SLC30A7: variants seen among roughly 807,000 people sequenced by gnomAD.
SLC30A7 encodes the protein zinc transporter 7.
SLC30A7 carries 35 observed loss-of-function variants against 46.0 expected under a neutral mutation model. The ratio of observed to expected loss-of-function variants is 0.76; its 90% CI spans 0.58 to 1.01. The LOEUF is 1.01. SLC30A7 is among the 50% of genes least tolerant of loss of function. The pLI is 0.00. For synonymous variants in SLC30A7, 147 were observed against 157.8 expected, an observed-to-expected ratio of 0.93 and a Z score of 0.51; for missense variants, 464 against 451.1, an observed-to-expected ratio of 1.03 and a Z score of -0.26.
At chr1:100,992,230 C>T in the SLC30A7 span, among the ~76,000 whole-genome samples, 1 of 151,918 alleles carries the variant, frequency 6.6e-6, no homozygotes, top group African/African-American at 2.4e-5. Context: ...GAAAACTATT[C>T]CTAGTCTCAA....
intron 3 of SLC30A7, among the ~76,000 whole-genome samples, chr1:100,908,030 T>G (rs963995207): frequency 6.6e-6 from 1 of 152,096 alleles, no homozygotes; most frequent in African/African-American, 2.4e-5. Context: ...TCTTAACTTC[T>G]TTAGCTCTAT....
At chr1:100,928,844 A>G (rs1178673646) in intron 8 of SLC30A7, among the ~76,000 whole-genome samples, 1 of 152,160 alleles carries the variant, frequency 6.6e-6, no homozygotes, top group Non-Finnish European at 1.5e-5. Flanking sequence ...AACTTCTACT[A>G]TATGTAGATT....
chr1:100,989,186 T>C, the SLC30A7 span, among the ~76,000 whole-genome samples: 1 of 152,210 alleles, frequency 6.6e-6, no homozygotes, highest in Non-Finnish European at 1.5e-5. Flanking sequence ...CTCGCACATA[T>C]ACAATGGCAT....
chr1:100,907,072 T>G (rs1651724575), intron 3 of SLC30A7, 107 bp downstream of exon 3: 4 of 686,224 alleles, frequency 5.8e-6, no homozygotes, highest in Non-Finnish European at 9.6e-6. Flanking sequence ...AGGTGTAACT[T>G]TTGAATCTTT....
At chr1:100,941,035 T>C (rs778708149) in intron 8 of SLC30A7, 13 of 344,656 alleles carry the variant, frequency 3.8e-5, no homozygotes, top group Non-Finnish European at 7.3e-5. Context: ...GCTACTGCCA[T>C]AGCTTCTGCA....
At chr1:100,936,414 C>A (rs1048072339) in intron 8 of SLC30A7, among the ~76,000 whole-genome samples, 2 of 152,092 alleles carry the variant, frequency 1.3e-5, no homozygotes, top group African/African-American at 4.8e-5. Context: ...GTAGTACACA[C>A]TCCTATATGT....
chr1:100,919,286 C>G (rs987540188), intron 7 of SLC30A7, among the ~76,000 whole-genome samples: 1 of 151,962 alleles, frequency 6.6e-6, no homozygotes, highest in South Asian at 2.1e-4. Context: ...TCTGAGTTTC[C>G]ATTTAGACTT....
At chr1:100,901,340 G>A (rs1651297845) in intron 2 of SLC30A7, among the ~76,000 whole-genome samples, 1 of 152,070 alleles carries the variant, frequency 6.6e-6, no homozygotes, top group Admixed American at 6.5e-5. Flanking sequence ...GCCTCCAATA[G>A]ACCCTAAATA....
intron 8 of SLC30A7, among the ~76,000 whole-genome samples, chr1:100,922,574 A>G (rs1040309606): frequency 2.6e-5 from 4 of 152,200 alleles, no homozygotes; most frequent in Admixed American, 2.6e-4. Context: ...AGTCTTGTAA[A>G]AATGCTACCT....
In SLC30A7 at chr1:100,925,752, G is replaced by A. The variant is rs141231047; in HGVS notation, c.842+3911G>A. 8.9e-4 allele frequency among the ~76,000 whole-genome samples: 136 copies of A among 152,246 alleles called. No individual in the cohort carries two copies. In the Middle Eastern group the frequency reaches 0.01, roughly 11 times the overall value. On this transcript the variant is annotated intron_variant, in intron 8 of 10. Transcript: ENST00000357650. The stretch of plus-strand genomic sequence containing the variant: ...AAGAGGACTGTAGATAAAAAATTCT[G>A]TTTTGGATATAAGTTTGAGATCTCT...
chr1:100,995,853 A>G, the SLC30A7 span: 3 of 152,244 alleles, frequency 2.0e-5, no homozygotes, highest in Admixed American at 2.0e-4. Context: ...CTCAGTATAC[A>G]ACAGCAACAG....
intron 10 of SLC30A7, 127 bp downstream of exon 10, chr1:100,966,045 A>G: frequency 1.3e-6 from 1 of 740,800 alleles, no homozygotes; most frequent in Non-Finnish European, 2.2e-6. Flanking sequence ...AGTGTGGGCA[A>G]CATAGTGAGA....
intron 8 of SLC30A7, among the ~76,000 whole-genome samples, chr1:100,931,497 C>T (rs961626326): frequency 2.6e-5 from 4 of 152,040 alleles, no homozygotes; most frequent in African/African-American, 9.7e-5. Flanking sequence ...ACTAGGATTG[C>T]TTACTGGATT....
chr1:100,960,783 T>C (rs916406697), intron 8 of SLC30A7, among the ~76,000 whole-genome samples: 4 of 152,102 alleles, frequency 2.6e-5, no homozygotes, highest in Non-Finnish European at 5.9e-5. Context: ...GTCTGAATCA[T>C]TGGAATCACA....
chr1:100,925,617 A>G (rs1653244361), intron 8 of SLC30A7, among the ~76,000 whole-genome samples: 1 of 152,180 alleles, frequency 6.6e-6, no homozygotes, highest in Non-Finnish European at 1.5e-5. Flanking sequence ...GTTGAGTGAA[A>G]GAGGGGAATT....
chr1:100,916,660 G>A (rs1297134615), intron 6 of SLC30A7, among the ~76,000 whole-genome samples: 1 of 148,722 alleles, frequency 6.7e-6, no homozygotes, highest in Non-Finnish European at 1.5e-5. Flanking sequence ...ATTGACTGTA[G>A]TCACCCTGTT....
chr1:100,922,713 G>A (rs1385681739), intron 8 of SLC30A7, among the ~76,000 whole-genome samples: 1 of 152,124 alleles, frequency 6.6e-6, no homozygotes, highest in Non-Finnish European at 1.5e-5. Flanking sequence ...GTGTGTAGGT[G>A]TATAAATTCT....
At chr1:100,983,404 A>AC (rs1558021986), downstream of SLC30A7, among the ~76,000 whole-genome samples, 8 of 124,546 alleles carry the variant, frequency 6.4e-5, no homozygotes, top group South Asian at 9.7e-4. Flanking sequence ...AACAAAACAA[A>AC]ACAAAAAAAA....
chr1:100,907,489 A>C (rs1225811232), intron 3 of SLC30A7, among the ~76,000 whole-genome samples: 3 of 152,086 alleles, frequency 2.0e-5, no homozygotes, highest in Non-Finnish European at 4.4e-5. Context: ...GATTTCTGCC[A>C]CCTCTGATTG....
Sources: allele counts gnomAD v4.1 joint callset (sites outside exome capture counted in the v4.1 genomes callset), GRCh38; gene constraint gnomAD v4.1.1; transcripts MANE v1.5; gene names NCBI Gene and HGNC (gene_info 2026-07-23, HGNC 2026-07-21).